Variants in ERBB4 observed in about 807,000 individuals in gnomAD.
ERBB4 encodes the protein erb-b2 receptor tyrosine kinase 4.
A neutral mutation model predicts 158.0 loss-of-function variants in ERBB4; 42 were observed. The observed-to-expected ratio is 0.27, with a 90% CI of 0.21 to 0.34. The LOEUF is 0.34. Ranked by LOEUF, ERBB4 falls within the 10% of genes least tolerant of loss-of-function variation. The pLI is 1.00. For missense variants in ERBB4, 1,333 were observed against 1,624.1 expected (o/e 0.82, Z 3.08); for synonymous variants, 583 against 558.7 (o/e 1.04, Z -0.61).
chr2:212,287,121 T>C (rs1387081228), intron 1 of ERBB4, among the ~76,000 whole-genome samples: 4 of 151,982 alleles, frequency 2.6e-5, no homozygotes, highest in African/African-American at 9.7e-5. Context: ...GAAGACCTTA[T>C]AAAACTTCCC....
At chr2:212,498,239 C>T (rs557228261) in intron 1 of ERBB4, among the ~76,000 whole-genome samples, 1 of 152,094 alleles carries the variant, frequency 6.6e-6, no homozygotes, top group East Asian at 1.9e-4. Flanking sequence ...AACCTCCAGT[C>T]TTTCAAATGG....
At chr2:212,170,056 C>T (rs577072797) in intron 1 of ERBB4, among the ~76,000 whole-genome samples, 88 of 152,226 alleles carry the variant, frequency 5.8e-4, no homozygotes, top group African/African-American at 2.1e-3. Context: ...GACTTTGGAA[C>T]TGGGTAATGG....
intron 4 of ERBB4, among the ~76,000 whole-genome samples, chr2:211,782,628 C>T (rs1197065680): frequency 6.6e-6 from 1 of 152,108 alleles, no homozygotes; most frequent in Non-Finnish European, 1.5e-5. Context: ...AATAGAGAAA[C>T]AATGATTTCT....
intron 7 of ERBB4, among the ~76,000 whole-genome samples, chr2:211,716,787 A>T (rs1196148603): frequency 6.6e-6 from 1 of 152,216 alleles, no homozygotes; most frequent in Non-Finnish European, 1.5e-5. Context: ...AAACCAAGCC[A>T]TGTAAGCCAG....
At chr2:211,823,139 A>G (rs7573807) in intron 3 of ERBB4, among the ~76,000 whole-genome samples, 1 of 151,778 alleles carries the variant, frequency 6.6e-6, no homozygotes, top group African/African-American at 2.4e-5. Context: ...CCAGACCAGA[A>G]CTTAGCCAAC....
chr2:211,464,971 C>A (rs970412900), intron 20 of ERBB4, among the ~76,000 whole-genome samples: 1 of 75,664 alleles, frequency 1.3e-5, no homozygotes, highest in Non-Finnish European at 3.7e-5. Context: ...CCTTGTTTTT[C>A]TTTTTTTTTT....
chr2:211,832,933 T>G (rs924319299), intron 3 of ERBB4, among the ~76,000 whole-genome samples: 1 of 151,584 alleles, frequency 6.6e-6, no homozygotes, highest in Non-Finnish European at 1.5e-5. Context: ...TAAATTAGAA[T>G]TCTTGTGTTC....
intron 2 of ERBB4, among the ~76,000 whole-genome samples, chr2:212,004,110 A>G (rs2076206206): frequency 6.6e-6 from 1 of 152,202 alleles, no homozygotes; most frequent in Non-Finnish European, 1.5e-5. Context: ...TATTTTTATG[A>G]TAATAGATAA....
chr2:212,140,929 G>T (rs927278075), intron 1 of ERBB4, among the ~76,000 whole-genome samples: 10 of 150,052 alleles, frequency 6.7e-5, no homozygotes, highest in African/African-American at 2.4e-4. Context: ...TTCTGTGTAT[G>T]CTCTAGGTTC....
chr2:211,569,405 G>C (rs2067647969), intron 19 of ERBB4, among the ~76,000 whole-genome samples: 1 of 152,160 alleles, frequency 6.6e-6, no homozygotes, highest in African/African-American at 2.4e-5. Flanking sequence ...GATTGAAGTT[G>C]TGTCTACAAA....
intron 16 of ERBB4, among the ~76,000 whole-genome samples, chr2:211,641,118 G>T (rs1256206118): frequency 6.6e-6 from 1 of 151,964 alleles, no homozygotes; most frequent in Non-Finnish European, 1.5e-5. Context: ...TTTATTAATA[G>T]CTTCACATTT....
intron 1 of ERBB4, among the ~76,000 whole-genome samples, chr2:212,396,311 T>C (rs2091024622): frequency 6.6e-6 from 1 of 152,176 alleles, no homozygotes; most frequent in Non-Finnish European, 1.5e-5. Flanking sequence ...TACAGTTACT[T>C]AAGCTTCTCA....
At chr2:211,608,561 G>T (rs1014145927) in intron 19 of ERBB4, among the ~76,000 whole-genome samples, 2 of 152,138 alleles carry the variant, frequency 1.3e-5, no homozygotes, top group Non-Finnish European at 2.9e-5. Flanking sequence ...TAGATACAAA[G>T]AATCATTTAA....
intron 1 of ERBB4, among the ~76,000 whole-genome samples, chr2:212,481,426 CT>C (rs1258771230): frequency 6.6e-6 from 1 of 152,108 alleles, no homozygotes; most frequent in Non-Finnish European, 1.5e-5. Context: ...AAGAGGGGTA[CT>C]TTTTAATCCT....
At chr2:212,080,870 A>G (rs1168977877) in intron 2 of ERBB4, among the ~76,000 whole-genome samples, 3 of 152,156 alleles carry the variant, frequency 2.0e-5, no homozygotes, top group Non-Finnish European at 4.4e-5. Flanking sequence ...CTCATCCAGC[A>G]TGTTTTGAAG....
intron 3 of ERBB4, among the ~76,000 whole-genome samples, chr2:211,899,795 C>T (rs2079187160): frequency 6.6e-6 from 1 of 152,072 alleles, no homozygotes; most frequent in South Asian, 2.1e-4. Flanking sequence ...ATTGCTACTT[C>T]CCTAAGCATA....
intron 1 of ERBB4, among the ~76,000 whole-genome samples, chr2:212,314,297 C>T (rs1045071501): frequency 1.3e-5 from 2 of 150,106 alleles, no homozygotes; most frequent in African/African-American, 4.9e-5. Flanking sequence ...GACATTTTTA[C>T]GTTAATTTTT....
At chr2:211,917,539 C>G (rs1285306772) in intron 3 of ERBB4, among the ~76,000 whole-genome samples, 1 of 152,138 alleles carries the variant, frequency 6.6e-6, no homozygotes, top group African/African-American at 2.4e-5. Context: ...AATGACAAAA[C>G]TGGGATTTGA....
At chr2:212,350,809 A>AT (rs1167253000) in intron 1 of ERBB4, among the ~76,000 whole-genome samples, 4 of 66,592 alleles carry the variant, frequency 6.0e-5, no homozygotes, top group Admixed American at 3.9e-4. Flanking sequence ...CTGTAAAATA[A>AT]TAAAAAAAAT....
Sources: gnomAD v4.1 joint callset for allele counts (sites outside exome capture counted in the v4.1 genomes callset) on GRCh38, gnomAD v4.1.1 for gene constraint, MANE v1.5 for transcripts, NCBI Gene and HGNC (gene_info 2026-07-23, HGNC 2026-07-21) for gene names.